The following MYO18B variants were observed in gnomAD, a reference collection of about 807,000 sequenced individuals.
The protein encoded by MYO18B is myosin XVIIIB, also known as unconventional myosin-XVIIIb.
Under a neutral mutation model 273.0 loss-of-function variants are expected in MYO18B, and 204 were observed. That is an observed-to-expected ratio of 0.75 (90% CI 0.67 to 0.84). The LOEUF (loss-of-function observed/expected upper bound fraction) is 0.84. Ranked by LOEUF, MYO18B falls within the 40% of genes least tolerant of loss-of-function variation. MYO18B has a pLI of 0.00. For synonymous variants in MYO18B, 1,330 were observed against 1,305.7 expected (o/e 1.02, Z -0.40); for missense variants, 3,212 against 3,287.6 (o/e 0.98, Z 0.56).
intron 2 of MYO18B, 69 bp from the exon 3 acceptor site, chr22:25,763,162 C>T: frequency 1.1e-5 from 18 of 1,597,692 alleles, no homozygotes; most frequent in Non-Finnish European, 1.4e-5. Context: ...CCATCACAAA[C>T]TTTGAAGGGC....
intron 42 of MYO18B, among the ~76,000 whole-genome samples, chr22:26,011,511 C>T (rs1223983659): frequency 6.6e-6 from 1 of 152,066 alleles, no homozygotes; most frequent in Non-Finnish European, 1.5e-5. Context: ...TGTTTTCCAC[C>T]AAGGGGGAAG....
intron 39 of MYO18B, among the ~76,000 whole-genome samples, chr22:25,991,329 A>C (rs1376594523): frequency 6.6e-6 from 1 of 152,202 alleles, no homozygotes; most frequent in Non-Finnish European, 1.5e-5. Context: ...GTGGACATTC[A>C]GGCCGGATAA....
intron 39 of MYO18B, among the ~76,000 whole-genome samples, chr22:25,981,492 A>G (rs550709650): frequency 6.6e-6 from 1 of 152,356 alleles, no homozygotes; most frequent in African/African-American, 2.4e-5. Flanking sequence ...AGGTTAGGCT[A>G]TAAAAGACAT....
intron 12 of MYO18B, 118 bp from the exon 13 acceptor site, chr22:25,823,387 C>T: frequency 8.7e-7 from 1 of 1,148,426 alleles, no homozygotes; most frequent in Non-Finnish European, 1.2e-6. Flanking sequence ...AAGCTCCCGG[C>T]TGAGGAGGCT....
intron 7 of MYO18B, among the ~76,000 whole-genome samples, chr22:25,776,403 GC>G (rs1305663149): frequency 6.6e-6 from 1 of 152,162 alleles, no homozygotes; most frequent in Non-Finnish European, 1.5e-5. Flanking sequence ...TTTGAGACAA[GC>G]CTGGCTAACA....
chr22:25,869,473 A>AGAAG (rs138506899), intron 22 of MYO18B, among the ~76,000 whole-genome samples: 2 of 115,850 alleles, frequency 1.7e-5, no homozygotes, highest in Middle Eastern at 4.0e-3. Context: ...AAAAAAAAAA[A>AGAAG]GAAGGAAGGA....
the MYO18B span, among the ~76,000 whole-genome samples, chr22:26,047,723 A>C: frequency 1.3e-5 from 2 of 152,328 alleles, no homozygotes; most frequent in East Asian, 3.9e-4. Context: ...ATATAAAATA[A>C]CTTGAAAATA....
intron 21 of MYO18B, among the ~76,000 whole-genome samples, chr22:25,852,874 G>T (rs1355468532): frequency 6.6e-6 from 1 of 152,204 alleles, no homozygotes; most frequent in Non-Finnish European, 1.5e-5. Context: ...GTTTCCTCAT[G>T]TGTAAAGTGG....
chr22:25,982,668 G>T (rs2093161406), intron 39 of MYO18B, among the ~76,000 whole-genome samples: 1 of 151,560 alleles, frequency 6.6e-6, no homozygotes, highest in Admixed American at 6.6e-5. Flanking sequence ...CATCCACATT[G>T]CTGCTTTCTC....
At chr22:25,946,324 G>A (rs1208774837) in intron 35 of MYO18B, 74 bp downstream of exon 35, 9 of 1,037,304 alleles carry the variant, frequency 8.7e-6, no homozygotes, top group Non-Finnish European at 1.3e-5. Context: ...GGCCTAGTGT[G>A]CGCTCAGCAC....
intron 12 of MYO18B, among the ~76,000 whole-genome samples, chr22:25,800,027 A>C (rs1008342536): frequency 6.6e-6 from 1 of 151,990 alleles, no homozygotes; most frequent in African/African-American, 2.4e-5. Flanking sequence ...AGATGAAATA[A>C]TGTCTTTTGC....
the MYO18B span, among the ~76,000 whole-genome samples, chr22:26,060,837 C>T: frequency 8.2e-6 from 1 of 122,450 alleles, no homozygotes; most frequent in African/African-American, 4.0e-5. Context: ...TATACATATA[C>T]ACAATATACA....
At chr22:25,874,198 G>A (rs1397430765) in intron 22 of MYO18B, 88 bp from the exon 23 acceptor site, 2 of 1,517,710 alleles carry the variant, frequency 1.3e-6, no homozygotes, top group Non-Finnish European at 1.8e-6. Flanking sequence ...GTGGGTGCAA[G>A]AGAAGTGGGG....
At chr22:25,812,122 G>T (rs1221236377) in intron 12 of MYO18B, among the ~76,000 whole-genome samples, 2 of 152,196 alleles carry the variant, frequency 1.3e-5, no homozygotes, top group Non-Finnish European at 2.9e-5. Flanking sequence ...GTCATTGGGG[G>T]TCCAAGGAAG....
chr22:25,985,690 C>T (rs934447221), intron 39 of MYO18B, among the ~76,000 whole-genome samples: 1 of 151,020 alleles, frequency 6.6e-6, no homozygotes, highest in Admixed American at 6.6e-5. Flanking sequence ...AGTGCAGTGG[C>T]GCAATCTCGG....
At chr22:25,780,256 C>A (rs895654446) in intron 9 of MYO18B, 58 bp downstream of exon 9, 6 of 1,542,616 alleles carry the variant, frequency 3.9e-6, no homozygotes, top group Non-Finnish European at 5.2e-6. Flanking sequence ...TCTCTAACCC[C>A]GGGACTCAGC....
At chr22:26,056,230 T>G in the MYO18B span, among the ~76,000 whole-genome samples, 1 of 152,212 alleles carries the variant, frequency 6.6e-6, no homozygotes, top group Admixed American at 6.5e-5. Context: ...TGGGTCTATA[T>G]AAAGCCAAAA....
the MYO18B span, among the ~76,000 whole-genome samples, chr22:26,047,362 G>A: frequency 2.0e-5 from 3 of 152,174 alleles, no homozygotes; most frequent in Middle Eastern, 3.4e-3. Context: ...TCCTGACCTC[G>A]TGATCCACCC....
the MYO18B span, among the ~76,000 whole-genome samples, chr22:26,051,224 T>C: frequency 7.2e-6 from 1 of 139,222 alleles, no homozygotes; most frequent in Non-Finnish European, 1.6e-5. Context: ...CCCTTTTTTT[T>C]TTTTTTTTTT....
Sources: allele counts gnomAD v4.1 joint callset (sites outside exome capture counted in the v4.1 genomes callset), GRCh38; gene constraint gnomAD v4.1.1; transcripts MANE v1.5; gene names NCBI Gene and HGNC (gene_info 2026-07-23, HGNC 2026-07-21).